TANC2: variants seen among roughly 807,000 people sequenced by gnomAD.
TANC2 encodes protein TANC2.
In TANC2, 26 loss-of-function variants were observed where a neutral mutation model predicts 210.5. The ratio of observed to expected loss-of-function variants is 0.12; its 90% CI spans 0.09 to 0.17. The LOEUF is 0.17. Among genes scored for constraint, TANC2 ranks in the 10% least tolerant of loss-of-function variants. The pLI is 1.00. For synonymous variants in TANC2, 931 were observed against 967.1 expected (o/e 0.96, Z 0.69); for missense variants, 2,129 against 2,608.9 (o/e 0.82, Z 4.01).
At chr17:63,063,852 G>A (rs1208471313) in intron 2 of TANC2, among the ~76,000 whole-genome samples, 1 of 152,040 alleles carries the variant, frequency 6.6e-6, no homozygotes, top group Non-Finnish European at 1.5e-5. Context: ...ACCTTTTCAC[G>A]ATTTTCTCTA....
At chr17:63,213,401 C>T (rs887691092) in intron 7 of TANC2, among the ~76,000 whole-genome samples, 9 of 152,178 alleles carry the variant, frequency 5.9e-5, no homozygotes, top group African/African-American at 2.2e-4. Context: ...CTCTAGCTTT[C>T]GGTGTACAAC....
At chr17:63,150,784 A>G (rs1163849178) in intron 4 of TANC2, 1 of 152,194 alleles carries the variant, frequency 6.6e-6, no homozygotes, top group Admixed American at 6.5e-5. Context: ...ATTTCTGGAT[A>G]ACAAAAACCT....
chr17:63,319,319 TAAAG>T, intron 11 of TANC2, among the ~76,000 whole-genome samples: 1 of 152,136 alleles, frequency 6.6e-6, no homozygotes, highest in Admixed American at 6.6e-5. Context: ...AGTGAATAAA[TAAAG>T]AAGTTGAGAC....
At chr17:63,328,405 TGTA>T in intron 11 of TANC2, among the ~76,000 whole-genome samples, 1 of 151,622 alleles carries the variant, frequency 6.6e-6, no homozygotes, top group African/African-American at 2.4e-5. Context: ...TGTGTGTGTG[TGTA>T]TTCATTGTGT....
chr17:63,166,486 A>C (rs1458580607), intron 5 of TANC2, among the ~76,000 whole-genome samples: 1 of 152,246 alleles, frequency 6.6e-6, no homozygotes, highest in East Asian at 1.9e-4. Flanking sequence ...TCGTAGAAGC[A>C]TAGATTTCTA....
At chr17:63,098,563 A>G (rs1316506321) in intron 3 of TANC2, among the ~76,000 whole-genome samples, 3 of 148,432 alleles carry the variant, frequency 2.0e-5, no homozygotes, top group Non-Finnish European at 4.5e-5. Context: ...ATAATTTTAT[A>G]CCATATGTTT....
chr17:63,286,528 G>A (rs1168994235), intron 9 of TANC2, among the ~76,000 whole-genome samples: 1 of 152,012 alleles, frequency 6.6e-6, no homozygotes, highest in East Asian at 1.9e-4. Context: ...TTCTCTAGCT[G>A]CTTTTAAGAT....
At chr17:63,092,229 T>G (rs1262405114) in intron 3 of TANC2, among the ~76,000 whole-genome samples, 1 of 152,078 alleles carries the variant, frequency 6.6e-6, no homozygotes, top group East Asian at 1.9e-4. Context: ...CTTCATTTCT[T>G]TTGGGTAAAT....
chr17:63,322,952 G>A (rs2045542369), intron 11 of TANC2, among the ~76,000 whole-genome samples: 1 of 152,272 alleles, frequency 6.6e-6, no homozygotes, highest in Non-Finnish European at 1.5e-5. Flanking sequence ...AATTAATCTA[G>A]TTGCACCTAG....
At chr17:63,161,491 A>G (rs1455125757) in intron 5 of TANC2, among the ~76,000 whole-genome samples, 1 of 152,096 alleles carries the variant, frequency 6.6e-6, no homozygotes, top group African/African-American at 2.4e-5. Flanking sequence ...TATTTAACTT[A>G]CCTGCAACAC....
intron 25 of TANC2, 108 bp downstream of exon 25, chr17:63,413,742 G>GATGA: frequency 9.8e-7 from 1 of 1,015,468 alleles, no homozygotes; most frequent in Non-Finnish European, 1.5e-6. Context: ...AGAGGCAAAG[G>GATGA]GAAACTACTG....
chr17:63,053,512 G>A (rs239367), intron 2 of TANC2, among the ~76,000 whole-genome samples: 9,615 of 152,126 alleles, frequency 0.063, 497 homozygotes, highest in African/African-American at 0.14. Context: ...CTACATGTTC[G>A]ATTCCACACC....
intron 4 of TANC2, among the ~76,000 whole-genome samples, chr17:63,110,357 T>C (rs1473909825): frequency 6.6e-6 from 1 of 151,822 alleles, no homozygotes; most frequent in Non-Finnish European, 1.5e-5. Context: ...TAATGATGTT[T>C]ATTAAATATA....
At chr17:63,039,978 T>G (rs1180672429) in intron 2 of TANC2, among the ~76,000 whole-genome samples, 1 of 152,220 alleles carries the variant, frequency 6.6e-6, no homozygotes. Context: ...GTAAGCACTT[T>G]TAGTTTTTAT....
chr17:63,042,676 G>A (rs1042063446), intron 2 of TANC2, among the ~76,000 whole-genome samples: 1 of 152,068 alleles, frequency 6.6e-6, no homozygotes, highest in African/African-American at 2.4e-5. Flanking sequence ...AAAAACTCTT[G>A]TTAGTATTTA....
chr17:63,295,876 TC>T (rs1432526245), intron 9 of TANC2, among the ~76,000 whole-genome samples: 3 of 152,106 alleles, frequency 2.0e-5, no homozygotes, highest in Non-Finnish European at 4.4e-5. Flanking sequence ...GGCCCATAAT[TC>T]CGTTTGTCAG....
Position 63,388,619 on chromosome 17 carries a change from T to A in TANC2, c.2692-16T>A, listed in dbSNP as rs2147145230. 1 of 1,592,086 alleles carries A rather than the reference T, an allele frequency of 6.3e-7. No homozygotes were observed. The highest frequency in any genetic ancestry group is 1.2e-5 in the South Asian group (1 of 86,258). On this transcript the variant is annotated splice_polypyrimidine_tract_variant and intron_variant, in intron 15 of 27. Transcript: ENST00000689528. ...TTGCTGGGCTACTAATTTAATTGTCTGTATTTCTTATTCAGGGTTTGAGTA... is the reference window on the plus strand; with the variant it reads ...TTGCTGGGCTACTAATTTAATTGTCAGTATTTCTTATTCAGGGTTTGAGTA...
chr17:62,976,818 C>T (rs554976119), intron 1 of TANC2, among the ~76,000 whole-genome samples: 1 of 152,310 alleles, frequency 6.6e-6, no homozygotes, highest in Non-Finnish European at 1.5e-5. Flanking sequence ...GTAGCTTGTT[C>T]CTCTTCCTTA....
chr17:63,020,302 T>C (rs867213167), intron 2 of TANC2, among the ~76,000 whole-genome samples: 1 of 152,206 alleles, frequency 6.6e-6, no homozygotes, highest in African/African-American at 2.4e-5. Flanking sequence ...TTTATTGTTT[T>C]ATTCTTTTTC....
Sources: allele counts gnomAD v4.1 joint callset (sites outside exome capture counted in the v4.1 genomes callset), GRCh38; gene constraint gnomAD v4.1.1; transcripts MANE v1.5; gene names NCBI Gene and HGNC (gene_info 2026-07-23, HGNC 2026-07-21).